The following NUMB variants were observed in gnomAD, a reference collection of about 807,000 sequenced individuals.
The protein encoded by NUMB is NUMB endocytic adaptor protein.
In NUMB, 29 loss-of-function variants were observed where a neutral mutation model predicts 59.7. The ratio of observed to expected loss-of-function variants is 0.49; its 90% CI spans 0.36 to 0.66. NUMB has a LOEUF of 0.66. Among genes scored for constraint, NUMB ranks in the 30% least tolerant of loss-of-function variants. The pLI is 0.00. For synonymous variants in NUMB, 288 were observed against 288.2 expected, an observed-to-expected ratio of 1.00 and a Z score of 0.01; for missense variants, 723 against 822.0, an observed-to-expected ratio of 0.88 and a Z score of 1.47.
intron 5 of NUMB, among the ~76,000 whole-genome samples, chr14:73,317,426 C>T (rs951576630): frequency 1.3e-5 from 2 of 152,116 alleles, no homozygotes; most frequent in South Asian, 2.1e-4. Flanking sequence ...CTCGGCCTCC[C>T]GAGTAGCTAG....
rs923603109 is a variant in NUMB at position 73,377,697 on chromosome 14, T to C, written c.-100-10716A>G. 2.3e-4 allele frequency among the ~76,000 whole-genome samples: 35 copies of C among 151,580 alleles called. 1 individual carries two copies. The highest frequency in any genetic ancestry group is 8.3e-4 in the African/African-American group (34 of 41,206). ...ATCCAAAATATAGGGCCGGGCATGG[T>C]GGCTCACGCCTGTAATCCCAGCACT... On this transcript the variant is annotated intron_variant, in intron 2 of 12. Coordinates refer to ENST00000555238, the MANE Select transcript of NUMB (RefSeq NM_001005743.2).
At chr14:73,374,447 A>G (rs1265600720) in intron 2 of NUMB, among the ~76,000 whole-genome samples, 1 of 152,176 alleles carries the variant, frequency 6.6e-6, no homozygotes, top group African/African-American at 2.4e-5. Context: ...GGAAAGAAAG[A>G]CATAAAATAT....
At chr14:73,355,567 C>CAT in intron 4 of NUMB, 59 bp downstream of exon 4, 1 of 1,494,454 alleles carries the variant, frequency 6.7e-7, no homozygotes, top group Non-Finnish European at 9.0e-7. Context: ...TGAGATTTCA[C>CAT]ATACACTAGA....
chr14:73,437,041 CTTTTTTT>C (rs71112755), intron 1 of NUMB, among the ~76,000 whole-genome samples: 5 of 106,664 alleles, frequency 4.7e-5, no homozygotes, highest in Non-Finnish European at 7.5e-5. Flanking sequence ...TTTTCTCTCT[CTTTTTTT>C]TTTTTTTTTT....
rs187066355 is a variant in NUMB, at chr14:73,323,705, T to C, written c.127-501A>G. ...CTGAAGAAATCACACATTCCTTTTA[T>C]GGGGAGCATATAAGAGCATGGCAGA... is the stretch of plus-strand genomic sequence containing the variant. On this transcript the variant is annotated intron_variant, in intron 4 of 12. Coordinates refer to ENST00000555238, the MANE Select transcript of NUMB (RefSeq NM_001005743.2). 2.8e-3 allele frequency among the ~76,000 whole-genome samples: 420 copies of C among 152,324 alleles called. 1 individual carries two copies. Among genetic ancestry groups the C allele is most frequent in the Non-Finnish European group, 4.1e-3 (277 of 68,028 alleles).
intron 6 of NUMB, among the ~76,000 whole-genome samples, chr14:73,313,567 A>G (rs1340233107): frequency 2.0e-5 from 3 of 150,022 alleles, no homozygotes; most frequent in African/African-American, 7.3e-5. Flanking sequence ...TCTTCAGGCT[A>G]TATGTATAAG....
At chr14:73,432,330 A>T (rs146318067) in intron 1 of NUMB, among the ~76,000 whole-genome samples, 27 of 152,206 alleles carry the variant, frequency 1.8e-4, no homozygotes, top group Admixed American at 9.8e-4. Context: ...TGACATAGGG[A>T]TAGGCAAATA....
intron 1 of NUMB, among the ~76,000 whole-genome samples, chr14:73,443,217 T>A (rs1259704399): frequency 2.0e-5 from 3 of 152,152 alleles, no homozygotes; most frequent in Non-Finnish European, 4.4e-5. Flanking sequence ...TGTACCTGAA[T>A]AAAGCTATTT....
At chr14:73,409,270 C>T (rs1388704750) in intron 2 of NUMB, 2 of 152,174 alleles carry the variant, frequency 1.3e-5, no homozygotes, top group African/African-American at 2.4e-5. Flanking sequence ...TATGTGACTT[C>T]CAAAACCAAG....
chr14:73,430,707 C>T (rs1566794007), intron 1 of NUMB, among the ~76,000 whole-genome samples: 1 of 151,798 alleles, frequency 6.6e-6, no homozygotes, highest in Non-Finnish European at 1.5e-5. Context: ...TTTGGGAGTC[C>T]GAGGCGGGCA....
intron 2 of NUMB, among the ~76,000 whole-genome samples, chr14:73,367,348 T>TATATATATATAGAGAGAGAGAG (rs1555375287): frequency 3.8e-5 from 4 of 105,302 alleles, no homozygotes; most frequent in African/African-American, 2.0e-4. Context: ...TATATATATA[T>TATATATATATAGAGAGAGAGAG]AGAGAGAGAG....
At chr14:73,383,708 T>C (rs1474384832) in intron 2 of NUMB, among the ~76,000 whole-genome samples, 2 of 152,034 alleles carry the variant, frequency 1.3e-5, no homozygotes, top group African/African-American at 2.4e-5. Context: ...ACCGAAGACA[T>C]TGCTTCTCTA....
At chr14:73,306,077 G>C (rs896251343) in intron 6 of NUMB, among the ~76,000 whole-genome samples, 2 of 152,296 alleles carry the variant, frequency 1.3e-5, no homozygotes, top group Admixed American at 6.5e-5. Flanking sequence ...ACAAAGCAGT[G>C]AAAGGACAGA....
intron 1 of NUMB, among the ~76,000 whole-genome samples, chr14:73,442,497 A>G (rs530905748): frequency 7.7e-4 from 118 of 152,332 alleles, no homozygotes; most frequent in African/African-American, 2.6e-3. Context: ...GCCAAAAACT[A>G]GAAATAATCC....
chr14:73,317,235 C>A (rs1346114758), intron 5 of NUMB, among the ~76,000 whole-genome samples: 1 of 152,180 alleles, frequency 6.6e-6, no homozygotes, highest in Non-Finnish European at 1.5e-5. Context: ...TGGGCCACAA[C>A]TGAAATTTAA....
intron 1 of NUMB, among the ~76,000 whole-genome samples, chr14:73,446,518 T>A (rs1883519401): frequency 6.7e-6 from 1 of 150,186 alleles, no homozygotes; most frequent in South Asian, 2.1e-4. Context: ...AGGAGGAGAA[T>A]CACTTGAACT....
intron 2 of NUMB, among the ~76,000 whole-genome samples, chr14:73,392,497 A>G (rs1199661398): frequency 6.6e-5 from 10 of 152,208 alleles, no homozygotes; most frequent in African/African-American, 2.4e-4. Context: ...AGGCTACCAC[A>G]CTTGGAACTG....
chr14:73,301,331 T>A (rs562528915), intron 6 of NUMB, among the ~76,000 whole-genome samples: 1 of 152,212 alleles, frequency 6.6e-6, no homozygotes, highest in Non-Finnish European at 1.5e-5. Flanking sequence ...TACTTCAAGG[T>A]TGGAAGACTG....
intron 2 of NUMB, among the ~76,000 whole-genome samples, chr14:73,374,501 T>C (rs1031384430): frequency 2.0e-5 from 3 of 152,186 alleles, no homozygotes; most frequent in African/African-American, 4.8e-5. Flanking sequence ...AATCTGGGAA[T>C]GGTGGTTCTT....
Sources: allele counts gnomAD v4.1 joint callset (sites outside exome capture counted in the v4.1 genomes callset), GRCh38; gene constraint gnomAD v4.1.1; transcripts MANE v1.5; gene names NCBI Gene and HGNC (gene_info 2026-07-23, HGNC 2026-07-21).